The following KLF17 variants were observed in gnomAD, a reference collection of about 807,000 sequenced individuals.
KLF17 encodes the protein Krueppel-like factor 17.
Under a neutral mutation model 34.2 loss-of-function variants are expected in KLF17, and 31 were observed. The observed-to-expected ratio is 0.91, with a 90% CI of 0.68 to 1.22. The LOEUF is 1.22. Among genes scored for constraint, KLF17 ranks in the 50% most tolerant of loss-of-function variants. The pLI, the probability that KLF17 is intolerant of heterozygous loss-of-function variation, is 0.00. For synonymous variants in KLF17, 179 were observed against 186.7 expected, an observed-to-expected ratio of 0.96 and a Z score of 0.34; for missense variants, 478 against 505.2, an observed-to-expected ratio of 0.95 and a Z score of 0.52.
Position 44,129,824 on chromosome 1 carries a change from G to C in KLF17, c.553G>C (p.Val185Leu), listed in dbSNP as rs2088083115. Residue 185 changes from valine to leucine, a missense_variant, in exon 2 of 4, where the codon GTA becomes CTA. Transcript: ENST00000372299. ...AGTGCCTTACCCTGGCCTCTCGACA[G>C]TACCTTCTGACGAAACATTGTTGGG... ...PPVPYPGLST[V>L]PSDETLLGPT... is the part of the protein sequence containing the mutation. 1.9e-6 allele frequency: 3 copies of C among 1,614,062 alleles called. No homozygotes were observed. In the African/African-American group the frequency reaches 4.0e-5, roughly 22 times the overall value.
At chr1:44,089,432 C>G in the KLF17 span, among the ~76,000 whole-genome samples, 3 of 152,130 alleles carry the variant, frequency 2.0e-5, no homozygotes, top group Admixed American at 1.3e-4. Flanking sequence ...CTAAGTTAGG[C>G]CAAAATAGCT....
At chr1:44,111,849 C>T in the KLF17 span, among the ~76,000 whole-genome samples, 3 of 152,106 alleles carry the variant, frequency 2.0e-5, no homozygotes, top group Admixed American at 6.6e-5. Flanking sequence ...GCTGAGATCG[C>T]GCCATTGCAC....
the KLF17 span, among the ~76,000 whole-genome samples, chr1:44,053,902 G>T: frequency 6.6e-6 from 1 of 152,204 alleles, no homozygotes; most frequent in African/African-American, 2.4e-5. Context: ...CCCAACCCAG[G>T]CCATGCCATA....
chr1:44,067,378 A>G, the KLF17 span, among the ~76,000 whole-genome samples: 2 of 152,220 alleles, frequency 1.3e-5, no homozygotes, highest in Non-Finnish European at 2.9e-5. Context: ...TGGTTGATGT[A>G]GCATCTTGGG....
chr1:44,055,493 C>T, the KLF17 span, among the ~76,000 whole-genome samples: 1 of 152,192 alleles, frequency 6.6e-6, no homozygotes, highest in Non-Finnish European at 1.5e-5. Context: ...GAGAGAATTA[C>T]TTTCCCAGTT....
chr1:44,127,717 CTTTTCTTTCTTTCTTCTCT>C (rs2088041635), intron 1 of KLF17, among the ~76,000 whole-genome samples: 2 of 74,714 alleles, frequency 2.7e-5, no homozygotes, highest in Admixed American at 1.5e-4. Flanking sequence ...TCTTTCTTCT[CTTTTCTTTCTTTCTTCTCT>C]TTTCTTTCTT....
At chr1:44,069,596 G>A in the KLF17 span, among the ~76,000 whole-genome samples, 9 of 151,970 alleles carry the variant, frequency 5.9e-5, no homozygotes, top group African/African-American at 2.2e-4. The surrounding 1 kb of genome is among the most constrained non-coding windows in gnomAD (Gnocchi z 4.7). Context: ...AGGACAGCAC[G>A]AAGCCATTCA....
the KLF17 span, among the ~76,000 whole-genome samples, chr1:44,087,175 A>G: frequency 2.6e-5 from 4 of 152,188 alleles, no homozygotes; most frequent in African/African-American, 9.6e-5. Context: ...GAGGAAGTGT[A>G]TTGGTCAGTT....
At chr1:44,081,906 C>T in the KLF17 span, among the ~76,000 whole-genome samples, 1 of 152,028 alleles carries the variant, frequency 6.6e-6, no homozygotes, top group Non-Finnish European at 1.5e-5. Context: ...GTGAGCCATA[C>T]CGCTAGTGGC....
At chr1:44,050,611 C>T in the KLF17 span, among the ~76,000 whole-genome samples, 1 of 152,156 alleles carries the variant, frequency 6.6e-6, no homozygotes, top group Non-Finnish European at 1.5e-5. Context: ...CACTACACTG[C>T]CTCCTCAATA....
chr1:44,104,702 C>G, the KLF17 span: 1 of 377,584 alleles, frequency 2.6e-6, no homozygotes, highest in South Asian at 3.0e-5. Context: ...CGTATAGGAG[C>G]GGCATAGCAG....
At chr1:44,059,845 C>T in the KLF17 span, among the ~76,000 whole-genome samples, 1 of 151,986 alleles carries the variant, frequency 6.6e-6, no homozygotes, top group Non-Finnish European at 1.5e-5. Context: ...TGGGATTCCA[C>T]TTGTCAGTGA....
At chr1:44,083,522 C>A in the KLF17 span, among the ~76,000 whole-genome samples, 1 of 152,056 alleles carries the variant, frequency 6.6e-6, no homozygotes, top group Non-Finnish European at 1.5e-5. Flanking sequence ...AAGAGCCAGG[C>A]GCGGTGGCTC....
chr1:44,118,840 C>A lies in KLF17; in HGVS notation c.-68C>A. The A allele has an allele frequency of 1.6e-6, 2 of 1,254,258 alleles. No homozygotes were observed. The highest frequency in any genetic ancestry group is 2.2e-6 in the Non-Finnish European group (2 of 915,408). 77.7% of individuals were successfully genotyped at this position (1,254,258 alleles called of 1,614,324 possible). ...TGTGGCGTGGCGATGTACCGATACC[C>A]GCCTGCGACGCCGTGGTGGCTGGTT... On this transcript the variant is annotated 5_prime_UTR_variant, in exon 1 of 4. Coordinates refer to ENST00000372299, the MANE Select transcript of KLF17 (RefSeq NM_173484.4).
the KLF17 span, among the ~76,000 whole-genome samples, chr1:44,064,792 T>C: frequency 1.1e-4 from 17 of 152,346 alleles, no homozygotes; most frequent in East Asian, 3.3e-3. Context: ...CTATTAGTCA[T>C]TTGAGGTATA....
chr1:44,085,080 C>T, the KLF17 span, among the ~76,000 whole-genome samples: 1 of 149,374 alleles, frequency 6.7e-6, no homozygotes, highest in Non-Finnish European at 1.5e-5. Context: ...TGAGTGCCTA[C>T]TATATATATA....
chr1:44,112,028 T>C, the KLF17 span, among the ~76,000 whole-genome samples: 3 of 152,238 alleles, frequency 2.0e-5, no homozygotes, highest in Admixed American at 6.5e-5. Flanking sequence ...ACATTACACT[T>C]AGCAGATTGC....
intron 1 of KLF17, among the ~76,000 whole-genome samples, chr1:44,121,490 C>G (rs984727130): frequency 6.6e-5 from 10 of 152,198 alleles, no homozygotes; most frequent in African/African-American, 2.4e-4. Flanking sequence ...TACTTCGTAG[C>G]TGGTACGTCC....
chr1:44,109,771 G>A, the KLF17 span, among the ~76,000 whole-genome samples: 1,254 of 152,198 alleles, frequency 8.2e-3, 6 homozygotes, highest in Non-Finnish European at 0.012. Context: ...GTTTCAGGGA[G>A]GGAGAGAACT....
Sources: gnomAD v4.1 joint callset for allele counts (sites outside exome capture counted in the v4.1 genomes callset) on GRCh38, gnomAD v4.1.1 for gene constraint, Gnocchi (gnomAD v3.1) non-coding constraint, MANE v1.5 for transcripts, NCBI Gene and HGNC (gene_info 2026-07-23, HGNC 2026-07-21) for gene names.